EVL: variants seen among roughly 807,000 people sequenced by gnomAD.
EVL encodes the protein Enah/Vasp-like.
EVL carries 21 observed loss-of-function variants against 59.6 expected under a neutral mutation model. The ratio of observed to expected loss-of-function variants is 0.35; its 90% CI spans 0.25 to 0.51. EVL has a LOEUF of 0.51. Ranked by LOEUF, EVL falls within the 20% of genes least tolerant of loss-of-function variation. EVL has a pLI of 0.97. For missense variants in EVL, 462 were observed against 546.6 expected (o/e 0.85, Z 1.54); for synonymous variants, 198 against 203.5 (o/e 0.97, Z 0.23).
At chr14:100,128,439 C>G in intron 5 of EVL, 80 bp from the exon 6 acceptor site, 2 of 1,454,806 alleles carry the variant, frequency 1.4e-6, no homozygotes, top group Middle Eastern at 2.4e-4. Context: ...GTCCTTCCTC[C>G]GGGGAACCTG....
At chr14:100,132,409 C>T (rs1041712753) in intron 7 of EVL, among the ~76,000 whole-genome samples, 3 of 152,074 alleles carry the variant, frequency 2.0e-5, no homozygotes, top group South Asian at 4.2e-4. Context: ...AGAGCGTGCC[C>T]GCCTCCCCTC....
chr14:99,971,502 A>C (rs1162639156), exon 1 of EVL: 2 of 150,740 alleles, frequency 1.3e-5, no homozygotes. Flanking sequence ...GCGCTCATTC[A>C]CCTCAGCGGC....
intron 1 of EVL, among the ~76,000 whole-genome samples, chr14:99,975,386 T>G (rs2060763262): frequency 6.6e-6 from 1 of 152,236 alleles, no homozygotes; most frequent in African/African-American, 2.4e-5. Flanking sequence ...TGGCTTCATG[T>G]CTTCCATTGG....
At chr14:100,025,930 C>G (rs373976287) in intron 1 of EVL, among the ~76,000 whole-genome samples, 1 of 152,090 alleles carries the variant, frequency 6.6e-6, no homozygotes, top group South Asian at 2.1e-4. Context: ...CAGTGACACT[C>G]TGTCTCCAAA....
At chr14:100,035,680 T>A (rs533318148) in intron 1 of EVL, among the ~76,000 whole-genome samples, 6 of 152,148 alleles carry the variant, frequency 3.9e-5, no homozygotes, top group Middle Eastern at 3.4e-3. Context: ...ATTGAGAAAT[T>A]TAAAAGAAAA....
At chr14:100,126,559 G>T (rs980501212) in intron 4 of EVL, 148 bp from the exon 5 acceptor site, 3 of 755,766 alleles carry the variant, frequency 4.0e-6, no homozygotes, top group Non-Finnish European at 6.7e-6. Flanking sequence ...CCTCTGTTAA[G>T]TGGAGGCAGC....
intron 1 of EVL, among the ~76,000 whole-genome samples, chr14:100,001,873 G>A (rs1031401419): frequency 1.3e-5 from 2 of 152,174 alleles, no homozygotes; most frequent in Non-Finnish European, 2.9e-5. Flanking sequence ...CAAAGCCTTG[G>A]TAAAATAACC....
At chr14:100,045,425 C>T (rs764718525) in intron 1 of EVL, among the ~76,000 whole-genome samples, 2 of 152,162 alleles carry the variant, frequency 1.3e-5, no homozygotes, top group East Asian at 1.9e-4. Flanking sequence ...ACTTCCTATC[C>T]GTGGTGTTTA....
intron 1 of EVL, among the ~76,000 whole-genome samples, chr14:100,008,486 G>A (rs889955284): frequency 3.3e-5 from 5 of 152,092 alleles, no homozygotes; most frequent in Non-Finnish European, 4.4e-5. Flanking sequence ...ATGTTCTTGC[G>A]TGTAACACAG....
chr14:100,118,007 C>T (rs1473334465), intron 3 of EVL, among the ~76,000 whole-genome samples: 2 of 152,198 alleles, frequency 1.3e-5, no homozygotes, highest in Non-Finnish European at 2.9e-5. Context: ...ATGGTAAGTA[C>T]TGGGAATACA....
chr14:100,099,159 A>G (rs1886018446), intron 3 of EVL, among the ~76,000 whole-genome samples: 1 of 148,442 alleles, frequency 6.7e-6, no homozygotes, highest in African/African-American at 2.5e-5. Flanking sequence ...CCTAGGCAAC[A>G]TAGCAAGACC....
At chr14:100,099,378 ACACACACC>A (rs1422707477) in intron 3 of EVL, among the ~76,000 whole-genome samples, 2 of 152,098 alleles carry the variant, frequency 1.3e-5, no homozygotes, top group Non-Finnish European at 1.5e-5. Context: ...TTACATACAA[ACACACACC>A]CACACACACA....
chr14:100,131,913 A>T (rs893421705), intron 7 of EVL, among the ~76,000 whole-genome samples: 8 of 152,260 alleles, frequency 5.3e-5, no homozygotes, highest in Middle Eastern at 3.4e-3. Context: ...GCTGTAGCTG[A>T]GGAGGCTGCC....
At chr14:100,067,740 T>C (rs2061962805) in intron 1 of EVL, among the ~76,000 whole-genome samples, 1 of 152,140 alleles carries the variant, frequency 6.6e-6, no homozygotes, top group Admixed American at 6.5e-5. Flanking sequence ...CTCTTACGCC[T>C]GAATTAGAGC....
At chr14:100,095,085 T>C (rs537618971) in intron 2 of EVL, among the ~76,000 whole-genome samples, 81 of 152,216 alleles carry the variant, frequency 5.3e-4, no homozygotes, top group Non-Finnish European at 1.0e-3. Context: ...AAAAATTTTT[T>C]TTGTTTTAAA....
At chr14:99,982,669 C>G (rs1368027168) in intron 1 of EVL, among the ~76,000 whole-genome samples, 1 of 152,048 alleles carries the variant, frequency 6.6e-6, no homozygotes, top group Non-Finnish European at 1.5e-5. Flanking sequence ...CCTCTGTGAG[C>G]GATTCATACG....
chr14:100,075,571 C>T (rs1047483662), intron 1 of EVL, among the ~76,000 whole-genome samples: 1 of 152,156 alleles, frequency 6.6e-6, no homozygotes, highest in Admixed American at 6.5e-5. Context: ...GCTGCAGAGC[C>T]CGGGCCAGAG....
chr14:100,044,737 G>T (rs1364229350), intron 1 of EVL, among the ~76,000 whole-genome samples: 2 of 152,172 alleles, frequency 1.3e-5, no homozygotes, highest in Non-Finnish European at 2.9e-5. Flanking sequence ...CTAAGCAGGG[G>T]TGGTCCTCGC....
intron 3 of EVL, among the ~76,000 whole-genome samples, chr14:100,100,358 G>T (rs1419876485): frequency 6.6e-6 from 1 of 152,126 alleles, no homozygotes; most frequent in Non-Finnish European, 1.5e-5. Flanking sequence ...GACCTCCTTT[G>T]CATGGACTGC....
Sources: allele counts gnomAD v4.1 joint callset (sites outside exome capture counted in the v4.1 genomes callset), GRCh38; gene constraint gnomAD v4.1.1; transcripts MANE v1.5; gene names NCBI Gene and HGNC (gene_info 2026-07-23, HGNC 2026-07-21).